Variants in ZBTB20 observed in about 807,000 individuals in gnomAD.
ZBTB20 encodes the protein zinc finger and BTB domain containing 20, also known as zinc finger and BTB domain-containing protein 20.
Under a neutral mutation model 56.9 loss-of-function variants are expected in ZBTB20, and 9 were observed. The observed-to-expected ratio is 0.16, with a 90% confidence interval of 0.10 to 0.28. The LOEUF is 0.28. Ranked by LOEUF, ZBTB20 falls within the 10% of genes least tolerant of loss-of-function variation. The pLI is 1.00. For missense variants in ZBTB20, 655 were observed against 1,003.0 expected, an observed-to-expected ratio of 0.65 and a Z score of 4.69; for synonymous variants, 417 against 420.7, an observed-to-expected ratio of 0.99 and a Z score of 0.11.
chr3:114,571,084 A>G (rs1559975240), intron 6 of ZBTB20, among the ~76,000 whole-genome samples: 2 of 152,200 alleles, frequency 1.3e-5, no homozygotes, highest in Non-Finnish European at 2.9e-5. Flanking sequence ...GGAAATTAAA[A>G]AAAGAAAGAA....
chr3:114,491,929 A>C (rs1378876954), intron 7 of ZBTB20, among the ~76,000 whole-genome samples: 1 of 152,190 alleles, frequency 6.6e-6, no homozygotes, highest in East Asian at 1.9e-4. Flanking sequence ...GTCAACAATA[A>C]GCTCAAAATT....
At position 114,545,879 on chromosome 3, in the gene ZBTB20, C is replaced by T. The variant is rs143962636; in HGVS notation, c.-294-45488G>A. 7.2e-3 allele frequency among the ~76,000 whole-genome samples: 1,097 copies of T among 152,062 alleles called. 11 individuals carry two copies. Among genetic ancestry groups the T allele is most frequent in the Non-Finnish European group, 0.011 (720 of 68,000 alleles). ...TTAATTCTAAGTCTTTTTTTAACCC[C>T]GAAACTATTTTCCCTGAAGCAATCC... is the stretch of plus-strand genomic sequence containing the variant. On this transcript the variant is annotated intron_variant, in intron 6 of 11. Transcript: ENST00000675478.
chr3:114,783,171 T>C (rs2070238696), intron 5 of ZBTB20, among the ~76,000 whole-genome samples: 1 of 152,210 alleles, frequency 6.6e-6, no homozygotes, highest in Non-Finnish European at 1.5e-5. Flanking sequence ...ATGCAATACA[T>C]ATTATGTTAG....
At chr3:114,977,666 T>C (rs185476127) in intron 2 of ZBTB20, among the ~76,000 whole-genome samples, 194 of 152,232 alleles carry the variant, frequency 1.3e-3, no homozygotes, top group African/African-American at 4.3e-3. Flanking sequence ...CTCAATATAA[T>C]ATATAAAACA....
chr3:114,620,232 G>A (rs558476855), intron 6 of ZBTB20, among the ~76,000 whole-genome samples: 2 of 152,138 alleles, frequency 1.3e-5, no homozygotes, highest in East Asian at 3.9e-4. Context: ...GGGAGTTAAG[G>A]AGGCTCAGAT....
intron 1 of ZBTB20, among the ~76,000 whole-genome samples, chr3:115,125,770 C>T (rs896371188): frequency 6.6e-6 from 1 of 152,022 alleles, no homozygotes; most frequent in Admixed American, 6.6e-5. Flanking sequence ...TTGATTTAGC[C>T]ATTTCATAAT....
At chr3:114,804,234 A>G (rs1213453823) in intron 4 of ZBTB20, among the ~76,000 whole-genome samples, 1 of 151,946 alleles carries the variant, frequency 6.6e-6, no homozygotes, top group African/African-American at 2.4e-5. Flanking sequence ...TAAAAAAACA[A>G]AACAAAACAA....
chr3:114,490,999 A>G (rs1448971808), intron 7 of ZBTB20, among the ~76,000 whole-genome samples: 1 of 152,188 alleles, frequency 6.6e-6, no homozygotes, highest in East Asian at 1.9e-4. Flanking sequence ...ATATCAGCCT[A>G]CAAACCACCC....
At chr3:115,034,231 A>C (rs7643617) in intron 2 of ZBTB20, among the ~76,000 whole-genome samples, 19,700 of 151,726 alleles carry the variant, frequency 0.13, 1,936 homozygotes, top group East Asian at 0.59. Flanking sequence ...TAGTCAGAGC[A>C]GTTAATTAGG....
chr3:114,763,861 G>A (rs2068604324), intron 5 of ZBTB20, among the ~76,000 whole-genome samples: 3 of 151,974 alleles, frequency 2.0e-5, no homozygotes, highest in South Asian at 2.1e-4. Flanking sequence ...AAATTAAAAT[G>A]TAATCAAACC....
At chr3:114,538,871 T>C (rs1042864300) in intron 6 of ZBTB20, among the ~76,000 whole-genome samples, 2 of 152,114 alleles carry the variant, frequency 1.3e-5, no homozygotes, top group African/African-American at 2.4e-5. Context: ...TCACATTCAG[T>C]CTGTGAAAGG....
At chr3:114,365,262 G>C (rs2082278638) in intron 10 of ZBTB20, among the ~76,000 whole-genome samples, 1 of 152,160 alleles carries the variant, frequency 6.6e-6, no homozygotes, top group African/African-American at 2.4e-5. Context: ...GGGACTTCTG[G>C]AGGAGTGAAC....
intron 2 of ZBTB20, among the ~76,000 whole-genome samples, chr3:115,041,004 A>T (rs901184113): frequency 6.6e-6 from 1 of 152,208 alleles, no homozygotes; most frequent in Non-Finnish European, 1.5e-5. Flanking sequence ...ACTGATTGGC[A>T]TGAAGTAATA....
chr3:114,827,581 G>C (rs1412608097), intron 4 of ZBTB20, among the ~76,000 whole-genome samples: 2 of 151,756 alleles, frequency 1.3e-5, no homozygotes. Context: ...CCTTCTTTGT[G>C]ATCTGGAAAT....
chr3:114,739,556 T>C (rs555369484), intron 5 of ZBTB20, among the ~76,000 whole-genome samples: 1 of 152,190 alleles, frequency 6.6e-6, no homozygotes, highest in Non-Finnish European at 1.5e-5. Flanking sequence ...TCTCCAACAT[T>C]TGGAACAAGA....
chr3:114,865,541 A>C (rs612019), intron 4 of ZBTB20, among the ~76,000 whole-genome samples: 147,934 of 152,236 alleles, frequency 0.97, 72,041 homozygotes, highest in East Asian at 1. Context: ...CACCTCCTAT[A>C]CATGGATTTG....
chr3:115,038,513 C>G (rs2081018927), intron 2 of ZBTB20, among the ~76,000 whole-genome samples: 1 of 151,964 alleles, frequency 6.6e-6, no homozygotes, highest in Non-Finnish European at 1.5e-5. Flanking sequence ...AGTAAATACT[C>G]AAAAAAATAA....
intron 5 of ZBTB20, among the ~76,000 whole-genome samples, chr3:114,739,824 T>G (rs993832928): frequency 6.6e-6 from 1 of 152,242 alleles, no homozygotes; most frequent in African/African-American, 2.4e-5. Context: ...TCCACCACTG[T>G]GCTTATCAGC....
intron 2 of ZBTB20, among the ~76,000 whole-genome samples, chr3:115,067,225 C>G (rs1213727152): frequency 6.6e-6 from 1 of 151,910 alleles, no homozygotes; most frequent in African/African-American, 2.4e-5. Flanking sequence ...ATACTATCCC[C>G]AACATAATAG....
Sources: gnomAD v4.1 joint callset for allele counts (sites outside exome capture counted in the v4.1 genomes callset) on GRCh38, gnomAD v4.1.1 for gene constraint, MANE v1.5 for transcripts, NCBI Gene and HGNC (gene_info 2026-07-23, HGNC 2026-07-21) for gene names.